KCNMA1: variants seen among roughly 807,000 people sequenced by gnomAD.
KCNMA1 encodes the protein Calcium-activated potassium channel subunit alpha-1.
Under a neutral mutation model 140.0 loss-of-function variants are expected in KCNMA1, and 29 were observed. The observed-to-expected ratio is 0.21, with a 90% CI of 0.15 to 0.28. The LOEUF (loss-of-function observed/expected upper bound fraction) is 0.28. Among genes scored for constraint, KCNMA1 ranks in the 10% least tolerant of loss-of-function variants. KCNMA1 has a pLI of 1.00. For synonymous variants in KCNMA1, 612 were observed against 611.9 expected (o/e 1.00, Z 0.00); for missense variants, 880 against 1,602.2 (o/e 0.55, Z 7.70).
intron 2 of KCNMA1, among the ~76,000 whole-genome samples, chr10:77,357,019 C>T (rs940318126): frequency 6.6e-5 from 10 of 152,132 alleles, no homozygotes; most frequent in Admixed American, 3.3e-4. Flanking sequence ...GATTCTGTTA[C>T]GGAAATCCAC....
At chr10:77,178,097 G>A (rs996857986) in intron 5 of KCNMA1, among the ~76,000 whole-genome samples, 2 of 152,152 alleles carry the variant, frequency 1.3e-5, no homozygotes, top group African/African-American at 4.8e-5. Flanking sequence ...TTCTAGCAGA[G>A]TTTACTGAAG....
chr10:77,423,163 G>T (rs114212948), intron 1 of KCNMA1, among the ~76,000 whole-genome samples: 1 of 152,146 alleles, frequency 6.6e-6, no homozygotes, highest in East Asian at 1.9e-4. Context: ...TGTTTTGTTG[G>T]ATCCATGCCT....
At chr10:77,007,456 A>C (rs537324656) in intron 18 of KCNMA1, among the ~76,000 whole-genome samples, 4 of 152,056 alleles carry the variant, frequency 2.6e-5, no homozygotes, top group South Asian at 2.1e-4. Flanking sequence ...GTCTCCAGTA[A>C]GACAATTGAG....
intron 3 of KCNMA1, among the ~76,000 whole-genome samples, chr10:77,225,883 C>G (rs1159040090): frequency 6.6e-6 from 1 of 152,200 alleles, no homozygotes; most frequent in Non-Finnish European, 1.5e-5. Flanking sequence ...CACCTGGACC[C>G]TGGGCTCTGA....
chr10:76,916,207 G>A (rs2052823114), intron 23 of KCNMA1, among the ~76,000 whole-genome samples: 2 of 152,106 alleles, frequency 1.3e-5, no homozygotes, highest in Non-Finnish European at 2.9e-5. Context: ...GAACTTCCCA[G>A]TGTGCCAAAC....
chr10:77,066,789 C>G (rs550044265), intron 14 of KCNMA1, among the ~76,000 whole-genome samples: 1 of 152,164 alleles, frequency 6.6e-6, no homozygotes, highest in African/African-American at 2.4e-5. Flanking sequence ...TTGCATCTCC[C>G]TATCTAATTT....
chr10:77,569,558 T>C (rs2070046856), intron 1 of KCNMA1, among the ~76,000 whole-genome samples: 1 of 151,554 alleles, frequency 6.6e-6, no homozygotes. Context: ...ACTGGATCCC[T>C]TCCTTACACC....
chr10:77,378,491 G>A (rs1603446263), intron 2 of KCNMA1, among the ~76,000 whole-genome samples: 1 of 152,226 alleles, frequency 6.6e-6, no homozygotes, highest in East Asian at 1.9e-4. Context: ...ACAATGGACA[G>A]TGGGATGTCT....
chr10:77,043,217 G>A (rs1432240551), intron 14 of KCNMA1, among the ~76,000 whole-genome samples: 1 of 152,178 alleles, frequency 6.6e-6, no homozygotes, highest in Non-Finnish European at 1.5e-5. Flanking sequence ...AAATGCTGGA[G>A]CATTTAAATC....
intron 1 of KCNMA1, among the ~76,000 whole-genome samples, chr10:77,508,216 C>T (rs532847174): frequency 7.4e-4 from 113 of 152,312 alleles, no homozygotes; most frequent in Non-Finnish European, 1.3e-3. Context: ...CACTGTATCA[C>T]CCAGCCGGCA....
chr10:77,130,465 G>T (rs1476618209), intron 5 of KCNMA1, among the ~76,000 whole-genome samples: 1 of 152,092 alleles, frequency 6.6e-6, no homozygotes, highest in East Asian at 1.9e-4. Context: ...GGTTTGTGAG[G>T]ATGTAACTCC....
At chr10:76,942,983 C>T (rs895146898) in intron 23 of KCNMA1, among the ~76,000 whole-genome samples, 1 of 152,160 alleles carries the variant, frequency 6.6e-6, no homozygotes, top group Non-Finnish European at 1.5e-5. Flanking sequence ...CAGATTCTGA[C>T]CCAGCAGGTC....
chr10:77,048,131 T>TAAATAAATAAATA (rs1393919464), intron 14 of KCNMA1, among the ~76,000 whole-genome samples: 4 of 151,596 alleles, frequency 2.6e-5, no homozygotes, highest in Admixed American at 2.6e-4. Flanking sequence ...AATAAATAAA[T>TAAATAAATAAATA]AAGAATTACA....
intron 5 of KCNMA1, among the ~76,000 whole-genome samples, chr10:77,148,605 C>T (rs569062039): frequency 1.3e-5 from 2 of 152,192 alleles, no homozygotes; most frequent in Non-Finnish European, 2.9e-5. Flanking sequence ...GCACCAGGAT[C>T]AACCTGGATA....
chr10:77,631,874 A>G (rs1389137745), intron 1 of KCNMA1, among the ~76,000 whole-genome samples: 1 of 152,212 alleles, frequency 6.6e-6, no homozygotes, highest in South Asian at 2.1e-4. Context: ...GGGCTAGCCC[A>G]AGGCTCCCAA....
rs1340862883 is a variant in KCNMA1 at position 76,920,008 on chromosome 10, GTGTGTGTGTGTGTA to G, written c.2903-4973_2903-4960del. ...TGTGTGTGTGTGTGTGTGTGTGTGTGTGTGTGTGTGTGTATATATATATATATATATATATATAT... is the reference window on the plus strand; with the variant it reads ...TGTGTGTGTGTGTGTGTGTGTGTGTGTATATATATATATATATATATATAT... On this transcript the variant is annotated intron_variant, in intron 23 of 27. Transcript: ENST00000286628. Among the ~76,000 whole-genome samples the G allele has an allele frequency of 6.1e-3, 357 of 58,702 alleles. 1 individual carries two copies. The highest frequency in any genetic ancestry group is 0.03 in the African/African-American group (324 of 10,774). 38.5% of individuals were successfully genotyped at this position (58,702 alleles called of 152,430 possible). A position where few individuals can be genotyped will look rare whatever the true frequency, so the allele number is the denominator to read the frequency against.
chr10:77,528,941 G>A (rs1404550813), intron 1 of KCNMA1, among the ~76,000 whole-genome samples: 1 of 152,132 alleles, frequency 6.6e-6, no homozygotes, highest in Non-Finnish European at 1.5e-5. Flanking sequence ...ATGGAGGAGA[G>A]AACGGCAGTG....
intron 5 of KCNMA1, among the ~76,000 whole-genome samples, chr10:77,123,003 C>T (rs2097650643): frequency 7.4e-6 from 1 of 134,862 alleles, no homozygotes; most frequent in South Asian, 2.5e-4. Context: ...ACAGTGAAAC[C>T]CCGTCTCTAC....
chr10:77,072,066 C>T (rs1296431695), intron 14 of KCNMA1, among the ~76,000 whole-genome samples: 1 of 152,150 alleles, frequency 6.6e-6, no homozygotes, highest in Non-Finnish European at 1.5e-5. Flanking sequence ...AGGTCTCATA[C>T]CTTTGATTGC....
Sources: allele counts gnomAD v4.1 joint callset (sites outside exome capture counted in the v4.1 genomes callset), GRCh38; gene constraint gnomAD v4.1.1; transcripts MANE v1.5; gene names NCBI Gene and HGNC (gene_info 2026-07-23, HGNC 2026-07-21).